Variants in ADGRD1 observed in about 807,000 individuals in gnomAD.
ADGRD1 encodes the protein G-protein coupled receptor 133.
ADGRD1 carries 77 observed loss-of-function variants against 113.4 expected under a neutral mutation model. That is an observed-to-expected ratio of 0.68 (90% CI 0.57 to 0.82). The LOEUF (loss-of-function observed/expected upper bound fraction) is 0.82, where lower values mean the gene tolerates loss of function less well. Among genes scored for constraint, ADGRD1 ranks in the 40% least tolerant of loss-of-function variants. The pLI, the probability that ADGRD1 is intolerant of heterozygous loss-of-function variation, is 0.00. For synonymous variants in ADGRD1, 474 were observed against 475.0 expected, an observed-to-expected ratio of 1.00 and a Z score of 0.03; for missense variants, 1,036 against 1,139.1, an observed-to-expected ratio of 0.91 and a Z score of 1.30.
intron 13 of ADGRD1, among the ~76,000 whole-genome samples, chr12:131,029,217 G>C (rs1271959290): frequency 6.6e-6 from 1 of 152,212 alleles, no homozygotes. Context: ...GCCTGCTGCT[G>C]TAATCTACCA....
intron 8 of ADGRD1, among the ~76,000 whole-genome samples, chr12:130,995,508 A>G (rs1875134916): frequency 6.6e-6 from 1 of 152,234 alleles, no homozygotes; most frequent in Non-Finnish European, 1.5e-5. Flanking sequence ...TTCAGGGGCC[A>G]AAGGAAATGG....
rs984362371 is a variant in ADGRD1, at chr12:131,041,537, T to C, written c.1473+27197T>C. Among the ~76,000 whole-genome samples, 15 of 151,958 alleles carry C rather than the reference T, an allele frequency of 9.9e-5. No individual in the cohort carries two copies. The highest frequency in any genetic ancestry group is 3.6e-4 in the African/African-American group (15 of 41,358). On this transcript the variant is annotated intron_variant, in intron 13 of 24. Coordinates refer to ENST00000261654, the MANE Select transcript of ADGRD1 (RefSeq NM_198827.5). The surrounding 1 kb of genome is among the most constrained non-coding windows in gnomAD (Gnocchi z 4.4). ...GTGACCTCCGCAGGGAGACGGAGAC[T>C]GTGGTGGCCAGGACAGCATGTATTC... is the stretch of plus-strand genomic sequence containing the variant.
chr12:131,123,248 T>C lies in ADGRD1; in HGVS notation c.2175+2335T>C, dbSNP rs373928295. On this transcript the variant is annotated intron_variant, in intron 20 of 24. Transcript: ENST00000261654. ...TTAGTAGAAACAGGGTTTCACCATG[T>C]TGGCCAGGCTGGTCTCTAACTCCTG... is the stretch of plus-strand genomic sequence containing the variant. Among the ~76,000 whole-genome samples, 54 of 151,520 alleles carry C rather than the reference T, an allele frequency of 3.6e-4. No homozygotes were observed. In the South Asian group the frequency reaches 0.011, roughly 31 times the overall value.
At chr12:131,118,316 G>A in intron 18 of ADGRD1, 69 bp from the exon 19 acceptor site, 1 of 1,011,724 alleles carries the variant, frequency 9.9e-7, no homozygotes, top group Non-Finnish European at 1.5e-6. Context: ...GGAAGGGAGG[G>A]ATGGGGGAGG....
chr12:131,123,291 C>T (rs372814737), intron 20 of ADGRD1, among the ~76,000 whole-genome samples: 345 of 151,358 alleles, frequency 2.3e-3, no homozygotes, highest in African/African-American at 8.1e-3. Flanking sequence ...GTGATCCACC[C>T]GCCTCGGCCT....
At chr12:131,089,274 A>G (rs1283426498) in intron 15 of ADGRD1, among the ~76,000 whole-genome samples, 2 of 152,190 alleles carry the variant, frequency 1.3e-5, no homozygotes, top group East Asian at 3.9e-4. Context: ...GAAATAGACC[A>G]TGGGTTAAAA....
rs567096582 is a variant in ADGRD1, at chr12:131,006,132, G to GCACAA, written c.1331+89_1331+93dup. The GCACAA allele has an allele frequency of 4.0e-4, 443 of 1,115,368 alleles. 4 individuals carry two copies. The South Asian group carries it at 5.2e-3, about 13-fold the overall frequency. 69.1% of individuals were successfully genotyped at this position (1,115,368 alleles called of 1,614,324 possible). A position where few individuals can be genotyped will look rare whatever the true frequency, so the allele number is the denominator to read the frequency against. On this transcript the variant is annotated intron_variant, in intron 12 of 24. Transcript: ENST00000261654. ...GGCCACAGGGATGCCCGCCCCACAC[G>GCACAA]CACAACACTGAGAACTCTGGACACG... is the stretch of plus-strand genomic sequence containing the variant.
chr12:131,002,861 C>G (rs1876568307), intron 9 of ADGRD1: 1 of 1,217,342 alleles, frequency 8.2e-7, no homozygotes. Flanking sequence ...CTGGGATGTG[C>G]TGAGGGTCCC....
intron 13 of ADGRD1, among the ~76,000 whole-genome samples, chr12:131,061,896 C>G (rs1393152599): frequency 6.6e-6 from 1 of 152,168 alleles, no homozygotes; most frequent in Non-Finnish European, 1.5e-5. Flanking sequence ...AGTAAGTGAC[C>G]TTTTGAGATG....
chr12:131,058,797 C>A (rs955854866), intron 13 of ADGRD1, among the ~76,000 whole-genome samples: 7 of 152,140 alleles, frequency 4.6e-5, no homozygotes. Flanking sequence ...AATTTGTTTT[C>A]TTTGTCTTTG....
At chr12:130,981,755 C>T (rs945219979) in intron 4 of ADGRD1, 129 bp from the exon 5 acceptor site, 3 of 653,862 alleles carry the variant, frequency 4.6e-6, no homozygotes, top group South Asian at 2.0e-5. Flanking sequence ...CTGAACTGAA[C>T]ATACACTGCC....
At chr12:131,036,511 GGGCCTCACTCACTGCACCA>G (rs1433994597) in intron 13 of ADGRD1, among the ~76,000 whole-genome samples, 1 of 137,504 alleles carries the variant, frequency 7.3e-6, no homozygotes, top group Non-Finnish European at 1.6e-5. Flanking sequence ...TCACTGCACC[GGGCCTCACTCACTGCACCA>G]GGCCTCACTT....
chr12:131,104,290 C>T (rs529851989), intron 15 of ADGRD1, among the ~76,000 whole-genome samples: 6 of 151,782 alleles, frequency 4.0e-5, no homozygotes, highest in South Asian at 2.1e-4. Flanking sequence ...CTGGGAGGGT[C>T]GTGGCCTCAG....
chr12:131,048,178 C>A (rs1424080558), intron 13 of ADGRD1, among the ~76,000 whole-genome samples: 2 of 152,240 alleles, frequency 1.3e-5, no homozygotes, highest in Non-Finnish European at 2.9e-5. Context: ...GGGGCTTATG[C>A]ACACAGTGTG....
rs748350781 is a variant in ADGRD1 at position 131,004,262 on chromosome 12, C to T, written c.1221C>T (p.Phe407=). ...HYRFPAHGQS[F]IQIPHEAFHR... Reference sequence around the variant, plus strand: ...GCTTCCCGGCCCACGGGCAGAGCTTCATCCAGATCCCCCACGAGGCCTTCC... The same window carrying T: ...GCTTCCCGGCCCACGGGCAGAGCTTTATCCAGATCCCCCACGAGGCCTTCC... The change falls in exon 11 of 25, where the codon TTC becomes TTT. Residue 407 remains phenylalanine (F), a synonymous_variant. Coordinates refer to ENST00000261654, the MANE Select transcript of ADGRD1 (RefSeq NM_198827.5). 4.3e-6 allele frequency: 7 copies of T among 1,613,918 alleles called. No homozygotes were observed. The highest frequency in any genetic ancestry group is 1.1e-5 in the South Asian group (1 of 91,076).
At chr12:131,087,694 C>T (rs909497840) in intron 15 of ADGRD1, among the ~76,000 whole-genome samples, 2 of 148,062 alleles carry the variant, frequency 1.4e-5, no homozygotes, top group Non-Finnish European at 3.0e-5. Flanking sequence ...AGAGCAGCTG[C>T]CCCGCCAGCG....
At position 131,050,321 on chromosome 12, in the gene ADGRD1, G is replaced by A. The variant is rs1883256550; in HGVS notation, c.1474-26480G>A. Among the ~76,000 whole-genome samples the A allele has an allele frequency of 6.6e-6, 1 of 152,130 alleles. No homozygotes were observed. The highest frequency in any genetic ancestry group is 1.5e-5 in the Non-Finnish European group (1 of 68,016). The stretch of plus-strand genomic sequence containing the variant: ...TGGGCAGGCCAAGTACTCTGGAGTT[G>A]CTGGAACTAAAATTTGACTTGTGTT... On this transcript the variant is annotated intron_variant, in intron 13 of 24. Transcript: ENST00000261654. The surrounding 1 kb of genome is among the most constrained non-coding windows in gnomAD (Gnocchi z 4.8).
intron 8 of ADGRD1, among the ~76,000 whole-genome samples, chr12:130,996,760 C>T: frequency 1.0e-5 from 1 of 96,794 alleles, no homozygotes; most frequent in South Asian, 3.3e-4. Context: ...AGAGGGGCTC[C>T]TCACTTCCCA....
intron 15 of ADGRD1, among the ~76,000 whole-genome samples, chr12:131,089,071 A>AT (rs942020050): frequency 4.6e-5 from 7 of 152,256 alleles, no homozygotes; most frequent in Non-Finnish European, 1.0e-4. Context: ...ATCAGCTCGC[A>AT]TTTCTGTTCG....
Sources: allele counts gnomAD v4.1 joint callset (sites outside exome capture counted in the v4.1 genomes callset), GRCh38; gene constraint gnomAD v4.1.1; non-coding constraint Gnocchi (gnomAD v3.1); transcripts MANE v1.5; gene names NCBI Gene and HGNC (gene_info 2026-07-23, HGNC 2026-07-21).